The following VWA5A variants were observed in gnomAD, a reference collection of about 807,000 sequenced individuals.
The protein encoded by VWA5A is von Willebrand factor A domain containing 5A.
VWA5A carries 77 observed loss-of-function variants against 84.6 expected under a neutral mutation model. The observed-to-expected ratio is 0.91, with a 90% CI of 0.76 to 1.10. The LOEUF (loss-of-function observed/expected upper bound fraction) is 1.10, where lower values mean the gene tolerates loss of function less well. VWA5A is among the 50% of genes least tolerant of loss of function. The pLI, the probability that VWA5A is intolerant of heterozygous loss-of-function variation, is 0.00. For missense variants in VWA5A, 973 were observed against 963.0 expected (o/e 1.01, Z -0.14); for synonymous variants, 334 against 350.1 (o/e 0.95, Z 0.51).
intron 7 of VWA5A, among the ~76,000 whole-genome samples, chr11:124,122,358 A>G (rs1864945106): frequency 6.6e-6 from 1 of 152,166 alleles, no homozygotes; most frequent in African/African-American, 2.4e-5. Flanking sequence ...CATTGTTTGG[A>G]TGATGATAAT....
chr11:124,145,758 G>T, intron 18 of VWA5A, 108 bp from the exon 19 acceptor site: 1 of 1,117,022 alleles, frequency 9.0e-7, no homozygotes, highest in Non-Finnish European at 1.3e-6. Context: ...AAAAAGCAGG[G>T]ATATTGAGGA....
intron 11 of VWA5A, chr11:124,124,560 A>C: frequency 8.1e-7 from 1 of 1,232,712 alleles, no homozygotes; most frequent in East Asian, 4.1e-5. Context: ...AGAATTGAAT[A>C]GTAAGATGTT....
rs572419613 is a variant in VWA5A, at chr11:124,147,632, A to G, written c.*1687A>G. ...GATACCAGGAACTACTTTATTTAAC[A>G]AGGCTCCCAGGTATCATGCATGCAC... is the stretch of plus-strand genomic sequence containing the variant. On this transcript the variant is annotated 3_prime_UTR_variant, in exon 19 of 19. Transcript: ENST00000456829. The G allele has an allele frequency of 1.3e-5, 2 of 152,332 alleles. No homozygotes were observed. Among genetic ancestry groups the G allele is most frequent in the African/African-American group, 4.8e-5 (2 of 41,562 alleles). The allele number at this position is 152,332 out of a possible 1,614,324, so 9.4% of individuals were successfully genotyped here. A position where few individuals can be genotyped will look rare whatever the true frequency, so the allele number is the denominator to read the frequency against.
rs1860621819 is a variant in VWA5A at position 124,137,095 on chromosome 11, A to G, written c.1706A>G (p.Lys569Arg). Residue 569 changes from lysine to arginine, a missense_variant, in exon 15 of 19, where the codon AAA (lysine) becomes AGA (arginine). Physicochemically the swap from Lys to Arg is conservative, Grantham distance 26. Coordinates refer to ENST00000456829, the MANE Select transcript of VWA5A (RefSeq NM_001130142.2). Reference sequence around the variant, plus strand: ...CTCAGGGAGACTCCAGCAAGTGATAAAAAAGATGCATTGAACCTTAGCCTT... The same window carrying G: ...CTCAGGGAGACTCCAGCAAGTGATAGAAAAGATGCATTGAACCTTAGCCTT... ...MGLRETPASDKKDALNLSLES... is the reference protein window; with the variant it reads ...MGLRETPASDRKDALNLSLES... The G allele has an allele frequency of 6.2e-7, 1 of 1,613,726 alleles. No individual in the cohort carries two copies. Among genetic ancestry groups the G allele is most frequent in the African/African-American group, 1.3e-5 (1 of 74,798 alleles).
chr11:124,129,782 T>C (rs11606958), intron 11 of VWA5A, among the ~76,000 whole-genome samples: 11,970 of 152,274 alleles, frequency 0.079, 486 homozygotes, highest in South Asian at 0.1. Context: ...CAGCTGTTTA[T>C]AGTATTCTGT....
intron 10 of VWA5A, 94 bp downstream of exon 10, chr11:124,123,898 G>A: frequency 6.9e-7 from 1 of 1,448,102 alleles, no homozygotes; most frequent in South Asian, 1.5e-5. Context: ...TTGAAATATA[G>A]TTTGCAATTC....
chr11:124,125,460 T>A (rs1176721641), intron 11 of VWA5A, among the ~76,000 whole-genome samples: 1 of 152,128 alleles, frequency 6.6e-6, no homozygotes, highest in African/African-American at 2.4e-5. Context: ...TTTTTTTGTA[T>A]GTTTAGTAGA....
intron 16 of VWA5A, 87 bp downstream of exon 16, chr11:124,141,828 C>G: frequency 6.6e-7 from 1 of 1,507,714 alleles, no homozygotes; most frequent in Non-Finnish European, 8.9e-7. Context: ...GTAGTTACAG[C>G]TATGACAAGA....
In VWA5A at chr11:124,118,344, T is replaced by C; in HGVS notation, c.402T>C (p.Pro134=). ...AVTLKYVQEL[P]LEADGALRFV... The stretch of plus-strand genomic sequence containing the variant: ...CCCTGAAGTATGTGCAGGAGCTGCC[T>C]CTGGAAGCAGATGGGGCTCTGCGCT... Residue 134 remains proline (P), a synonymous_variant, in exon 5 of 19, where the codon CCT becomes CCC. Transcript: ENST00000456829. The C allele has an allele frequency of 4.3e-6, 7 of 1,614,222 alleles. 1 individual carries two copies. Among genetic ancestry groups the C allele is most frequent in the Non-Finnish European group, 5.9e-6 (7 of 1,180,038 alleles).
rs563195974 is a variant in VWA5A, at chr11:124,134,192, A to T, written c.1245-728A>T. Among the ~76,000 whole-genome samples the T allele has an allele frequency of 2.6e-5, 4 of 152,350 alleles. No individual in the cohort carries two copies. In the East Asian group the frequency reaches 7.7e-4, roughly 29 times the overall value. On this transcript the variant is annotated intron_variant, in intron 11 of 18. Transcript: ENST00000456829. Reference sequence around the variant, plus strand: ...AGGTCCAGTTAGAAGTCTGTTCCTGAGTCTTACAAGCGTAGAGCATTGATC... The same window carrying T: ...AGGTCCAGTTAGAAGTCTGTTCCTGTGTCTTACAAGCGTAGAGCATTGATC...
At chr11:124,115,813 A>C (rs903988171) in intron 1 of VWA5A, 6 of 151,912 alleles carry the variant, frequency 3.9e-5, no homozygotes, top group African/African-American at 1.2e-4. Flanking sequence ...TCTCAGTTTC[A>C]GGATAGTGTA....
At position 124,134,979 on chromosome 11, in the gene VWA5A, G is replaced by T. The variant is rs1192571484; in HGVS notation, c.1304G>T (p.Arg435Leu). 1.9e-6 allele frequency: 3 copies of T among 1,613,352 alleles called. No individual in the cohort carries two copies. Among genetic ancestry groups the T allele is most frequent in the Non-Finnish European group, 2.5e-6 (3 of 1,179,776 alleles). Residue 435 changes from arginine to leucine, a missense_variant, in exon 12 of 19, where the codon CGG (arginine) becomes CTG (leucine). By Grantham distance (102) the Arg-to-Leu change is moderately radical. Coordinates refer to ENST00000456829, the MANE Select transcript of VWA5A (RefSeq NM_001130142.2). ...TSTSLIKGIA[R>L]ASGGTSEFIT... Reference sequence around the variant, plus strand: ...ACCAGCCTAATAAAAGGTATTGCCCGGGCATCAGGGGGCACCTCAGAATTT... The same window carrying T: ...ACCAGCCTAATAAAAGGTATTGCCCTGGCATCAGGGGGCACCTCAGAATTT...
chr11:124,123,614 A>G (rs1864968449), intron 9 of VWA5A, 46 bp from the exon 10 acceptor site: 2 of 1,613,910 alleles, frequency 1.2e-6, no homozygotes. Flanking sequence ...TATACTGGGC[A>G]AGGTTAAGTA....
chr11:124,133,793 C>A (rs888315270), intron 11 of VWA5A, among the ~76,000 whole-genome samples: 1 of 152,076 alleles, frequency 6.6e-6, no homozygotes, highest in African/African-American at 2.4e-5. Context: ...AGGAACTGTG[C>A]TAGATAAAAA....
chr11:124,122,690 A>G (rs1864949311), intron 7 of VWA5A, among the ~76,000 whole-genome samples: 2 of 152,210 alleles, frequency 1.3e-5, no homozygotes, highest in South Asian at 2.1e-4. Context: ...CTGCCAGGAA[A>G]CTAGTAATCA....
intron 7 of VWA5A, among the ~76,000 whole-genome samples, chr11:124,122,031 G>C (rs1350703810): frequency 1.3e-5 from 2 of 152,206 alleles, no homozygotes; most frequent in African/African-American, 4.8e-5. Context: ...TTAGAAGCCA[G>C]TTTGGTGTCT....
At chr11:124,119,255 C>T (rs543898608) in intron 7 of VWA5A, among the ~76,000 whole-genome samples, 166 bp downstream of exon 7, 2 of 152,304 alleles carry the variant, frequency 1.3e-5, no homozygotes, top group Admixed American at 6.5e-5. Context: ...GGTTTAATGA[C>T]TGTCATGTGA....
intron 8 of VWA5A, 78 bp downstream of exon 8, chr11:124,123,207 T>C (rs1370918068): frequency 1.5e-5 from 23 of 1,553,348 alleles, no homozygotes; most frequent in Non-Finnish European, 1.9e-5. Context: ...AGGGTCTATC[T>C]GGAGCCTGAG....
intron 11 of VWA5A, among the ~76,000 whole-genome samples, chr11:124,129,344 G>A (rs1257638022): frequency 6.6e-6 from 1 of 152,142 alleles, no homozygotes; most frequent in Non-Finnish European, 1.5e-5. Context: ...TGATCATGGT[G>A]GATAAGCTTT....
Sources: allele counts gnomAD v4.1 joint callset (sites outside exome capture counted in the v4.1 genomes callset), GRCh38; gene constraint gnomAD v4.1.1; transcripts MANE v1.5; gene names NCBI Gene and HGNC (gene_info 2026-07-23, HGNC 2026-07-21).